ZNF772: variants seen among roughly 807,000 people sequenced by gnomAD.
ZNF772 encodes zinc finger protein 772.
Under a neutral mutation model 11.0 loss-of-function variants are expected in ZNF772, and 8 were observed. That is an observed-to-expected ratio of 0.73 (90% CI 0.43 to 1.31). The LOEUF (loss-of-function observed/expected upper bound fraction) is 1.31, where lower values mean the gene tolerates loss of function less well. Ranked by LOEUF, ZNF772 falls within the 50% of genes most tolerant of loss-of-function variation. The pLI, the probability that ZNF772 is intolerant of heterozygous loss-of-function variation, is 0.01. For synonymous variants in ZNF772, 155 were observed against 180.4 expected, an observed-to-expected ratio of 0.86 and a Z score of 1.13; for missense variants, 496 against 552.3, an observed-to-expected ratio of 0.90 and a Z score of 1.02.
chr19:57,476,938 A>G (rs2089291596), intron 1 of ZNF772, among the ~76,000 whole-genome samples: 1 of 152,202 alleles, frequency 6.6e-6, no homozygotes, highest in Non-Finnish European at 1.5e-5. Context: ...CTCTGTTCAG[A>G]ACCTTCCATG....
Position 57,475,842 on chromosome 19 carries a change from T to C in ZNF772, c.73-56A>G. The C allele has an allele frequency of 6.5e-7, 1 of 1,550,154 alleles. No homozygotes were observed. Among genetic ancestry groups the C allele is most frequent in the Non-Finnish European group, 8.7e-7 (1 of 1,148,422 alleles). On this transcript the variant is annotated intron_variant, in intron 2 of 3. Transcript: ENST00000356584. The surrounding 1 kb of genome is among the most constrained non-coding windows in gnomAD (Gnocchi z 4.2). The stretch of plus-strand genomic sequence containing the variant: ...GCAGCATCTCTCCCAAGAACCCCCA[T>C]CCGTGCCCCCACACATCTCCCTCCT...
intron 1 of ZNF772, 30 bp downstream of exon 1, chr19:57,477,247 A>G: frequency 6.2e-7 from 1 of 1,613,110 alleles, no homozygotes; most frequent in Non-Finnish European, 8.5e-7. Context: ...GATGGGGGTC[A>G]GCGCGCAGAC....
chr19:57,473,878 G>T lies in ZNF772; in HGVS notation c.743C>A (p.Thr248Asn). The change falls in exon 4 of 4, where the codon ACT (threonine) becomes AAT (asparagine). Residue 248 changes from threonine to asparagine, a missense_variant. Thr to Asn is a moderately conservative substitution (Grantham distance 65). Transcript: ENST00000356584. ...ACCGCACTCATAAGGCCTTTCTCCA[G>T]TGTGGACTCTCTGGTGTTGAACAAG... is the stretch of plus-strand genomic sequence containing the variant. Reference protein sequence around the residue: ...DSLVQHQRVHTGERPYECGEC... With the variant: ...DSLVQHQRVHNGERPYECGEC... 1 of 1,614,220 alleles carries T rather than the reference G, an allele frequency of 6.2e-7. No homozygotes were observed.
At position 57,475,150 on chromosome 19, in the gene ZNF772, A is replaced by T. The variant is rs1034055929; in HGVS notation, c.199+510T>A. The T allele has an allele frequency of 1.2e-6, 2 of 1,614,036 alleles. No homozygotes were observed. Among genetic ancestry groups the T allele is most frequent in the African/African-American group, 2.7e-5 (2 of 74,928 alleles). The stretch of plus-strand genomic sequence containing the variant: ...TGGGACATGAAAGATGTATGTCCTA[A>T]GGGAAAGATAGAACAGCACTGGTCT... On this transcript the variant is annotated intron_variant, in intron 3 of 3. Transcript: ENST00000356584. This position sits in a 1 kb window ranked among gnomAD's most constrained non-coding sequence, Gnocchi z 4.2.
Position 57,475,156 on chromosome 19 carries a change from A to C in ZNF772, c.199+504T>G, listed in dbSNP as rs760110989. On this transcript the variant is annotated intron_variant, in intron 3 of 3. Transcript: ENST00000356584. The surrounding 1 kb of genome is among the most constrained non-coding windows in gnomAD (Gnocchi z 4.2). ...ATGAAAGATGTATGTCCTAAGGGAA[A>C]GATAGAACAGCACTGGTCTGGGTAA... 6.2e-7 allele frequency: 1 copy of C among 1,614,154 alleles called. No homozygotes were observed. Among genetic ancestry groups the C allele is most frequent in the South Asian group, 1.1e-5 (1 of 91,082 alleles).
At chr19:57,476,306 G>A (rs566533464) in intron 2 of ZNF772, 12 of 379,412 alleles carry the variant, frequency 3.2e-5, no homozygotes, top group Admixed American at 1.2e-4. Context: ...GATGATTCCC[G>A]CCCCCTTGCT....
In ZNF772 at chr19:57,477,298, A is replaced by AGCCGCC; in HGVS notation, c.6_11dup (p.Ala3_Ala4dup). ...CCACCTGTGCCGGGCCCATCGGCTC[A>AGCCGCC]GCCGCCGCCATCAGGCCTGTGGACT... On this transcript the variant is annotated inframe_insertion, in exon 1 of 4. Coordinates refer to ENST00000356584, the MANE Select transcript of ZNF772 (RefSeq NM_001144068.2). 1 of 1,612,664 alleles carries AGCCGCC rather than the reference A, an allele frequency of 6.2e-7. No individual in the cohort carries two copies. Among genetic ancestry groups the AGCCGCC allele is most frequent in the Non-Finnish European group, 8.5e-7 (1 of 1,179,488 alleles).
rs2089218087 is a variant in ZNF772, at chr19:57,471,829, A to C, written c.*1445T>G. On this transcript the variant is annotated 3_prime_UTR_variant, in exon 4 of 4. Transcript: ENST00000356584. ...GAGTTTAAGAAGCCAAAAACATTAG[A>C]ATACATATTAAATTACTCTATCTCT... is the stretch of plus-strand genomic sequence containing the variant. The C allele has an allele frequency of 4.8e-6, 1 of 209,052 alleles. No individual in the cohort carries two copies. The highest frequency in any genetic ancestry group is 2.4e-5 in the African/African-American group (1 of 42,202). The allele number at this position is 209,052 out of a possible 1,614,324, so 12.9% of individuals were successfully genotyped here. A position where few individuals can be genotyped will look rare whatever the true frequency, so the allele number is the denominator to read the frequency against.
chr19:57,472,426 A>T lies in ZNF772; in HGVS notation c.*848T>A, dbSNP rs10426249. The T allele has an allele frequency of 0.65, 184,822 of 285,498 alleles. 59,381 individuals are homozygous for T. Among genetic ancestry groups the T allele is most frequent in the East Asian group, 0.72 (7,218 of 10,028 alleles). 17.7% of individuals were successfully genotyped at this position (285,498 alleles called of 1,614,324 possible). On this transcript the variant is annotated 3_prime_UTR_variant, in exon 4 of 4. Transcript: ENST00000356584. ...TTATCACAACAAATGCCCACTGCTT[A>T]GGGTGACCTCAATTACACAAAAAAT...
chr19:57,474,886 G>T (rs143775017), intron 3 of ZNF772: 463 of 1,202,148 alleles, frequency 3.9e-4, no homozygotes, highest in Non-Finnish European at 2.1e-4. Context: ...GAAGGCAGAG[G>T]TATGGAACAT....
At position 57,475,474 on chromosome 19, in the gene ZNF772, G is replaced by A. The variant is rs906902915; in HGVS notation, c.199+186C>T. 8 of 969,856 alleles carry A rather than the reference G, an allele frequency of 8.2e-6. No individual in the cohort carries two copies. The Admixed American group carries it at 1.3e-4, about 16-fold the overall frequency. The allele number at this position is 969,856 out of a possible 1,614,324, so 60.1% of individuals were successfully genotyped here. A position where few individuals can be genotyped will look rare whatever the true frequency, so the allele number is the denominator to read the frequency against. ...GCAAGGCTCTGAGACAGCAAGCGCT[G>A]GGAATGCTCAAAAGGAGAAAGTAGG... On this transcript the variant is annotated intron_variant, in intron 3 of 3. Transcript: ENST00000356584. This position sits in a 1 kb window ranked among gnomAD's most constrained non-coding sequence, Gnocchi z 4.2.
intron 2 of ZNF772, 55 bp downstream of exon 2, chr19:57,476,579 G>A: frequency 6.3e-7 from 1 of 1,582,276 alleles, no homozygotes; most frequent in Non-Finnish European, 8.7e-7. Context: ...CACAATGCTG[G>A]AGAGCGTATT....
In ZNF772 at chr19:57,476,585, G is replaced by A. The variant is rs149872429; in HGVS notation, c.72+49C>T. The A allele has an allele frequency of 1.2e-4, 195 of 1,580,098 alleles. No homozygotes were observed. The East Asian group carries it at 1.5e-3, about 13-fold the overall frequency. On this transcript the variant is annotated intron_variant, in intron 2 of 3. Transcript: ENST00000356584. ...ATATAACACCACAATGCTGGAGAGC[G>A]TATTGGGTGGGGGTGGGATCGGTGA...
chr19:57,474,661 C>A (rs2089261896), intron 3 of ZNF772, among the ~76,000 whole-genome samples: 1 of 152,220 alleles, frequency 6.6e-6, no homozygotes, highest in Non-Finnish European at 1.5e-5. Flanking sequence ...AAAAAAGAGG[C>A]AGGTCTCAAA....
chr19:57,470,460 A>G lies in ZNF772; in HGVS notation c.*2814T>C, dbSNP rs1191773166. The G allele has an allele frequency of 3.3e-5, 5 of 152,272 alleles. No individual in the cohort carries two copies. The highest frequency in any genetic ancestry group is 2.1e-4 in the South Asian group (1 of 4,824). The allele number at this position is 152,272 out of a possible 1,614,324, so 9.4% of individuals were successfully genotyped here. A position where few individuals can be genotyped will look rare whatever the true frequency, so the allele number is the denominator to read the frequency against. On this transcript the variant is annotated 3_prime_UTR_variant, in exon 4 of 4. Transcript: ENST00000356584. ...TAACATCTCTTCCCCATATTAGGGGAAAAAAACCCAAAGGTTTGAAATGAA... is the reference window on the plus strand; with the variant it reads ...TAACATCTCTTCCCCATATTAGGGGGAAAAAACCCAAAGGTTTGAAATGAA...
rs1246132117 is a variant in ZNF772 at position 57,470,421 on chromosome 19, T to C, written c.*2853A>G. The C allele has an allele frequency of 3.9e-5, 6 of 151,978 alleles. No homozygotes were observed. The highest frequency in any genetic ancestry group is 8.8e-5 in the Non-Finnish European group (6 of 68,000). 9.4% of individuals were successfully genotyped at this position (151,978 alleles called of 1,614,324 possible). ...GGAGGTAATTAAAGCAGTTCTCAGA[T>C]AGATTTTTAACATTAACATCTCTTC... On this transcript the variant is annotated 3_prime_UTR_variant, in exon 4 of 4. Transcript: ENST00000356584.
At position 57,475,697 on chromosome 19, in the gene ZNF772, A is replaced by T. The variant is rs1397539627; in HGVS notation, c.162T>A (p.Asp54Glu). Reference sequence around the variant, plus strand: ...TAAGTGCAAAGTTCTCCAGCATCACATCACGGTACAGGAGCCTCTGAGCCT... The same window carrying T: ...TAAGTGCAAAGTTCTCCAGCATCACTTCACGGTACAGGAGCCTCTGAGCCT... ...LDEAQRLLYR[D>E]VMLENFALMA... The change falls in exon 3 of 4, where the codon GAT becomes GAA. Residue 54 changes from aspartate to glutamate, a missense_variant. Transcript: ENST00000356584. This position sits in a 1 kb window ranked among gnomAD's most constrained non-coding sequence, Gnocchi z 4.2. 4.2e-5 allele frequency: 67 copies of T among 1,613,924 alleles called. No individual in the cohort carries two copies. In the Admixed American group the frequency reaches 1.0e-3, roughly 24 times the overall value.
Position 57,472,458 on chromosome 19 carries a change from A to T in ZNF772, c.*816T>A, listed in dbSNP as rs1343787387. ...CCTCAATTACACAAAAAATCTTAAC[A>T]TATAGACCAAAAGATTAGGCCTACA... On this transcript the variant is annotated 3_prime_UTR_variant, in exon 4 of 4. Transcript: ENST00000356584. 1 of 256,566 alleles carries T rather than the reference A, an allele frequency of 3.9e-6. No homozygotes were observed. The highest frequency in any genetic ancestry group is 2.3e-5 in the African/African-American group (1 of 43,702). The allele number at this position is 256,566 out of a possible 1,614,324, so 15.9% of individuals were successfully genotyped here.
rs757497031 is a variant in ZNF772, at chr19:57,473,242, T to C, written c.*32A>G. 2.5e-6 allele frequency: 4 copies of C among 1,585,536 alleles called. No individual in the cohort carries two copies. Among genetic ancestry groups the C allele is most frequent in the Non-Finnish European group, 3.4e-6 (4 of 1,164,184 alleles). ...AGCTTCTCTCTGATGTCAGTTATTA[T>C]GTTGAACAAGGAAACGGAATTATCT... On this transcript the variant is annotated 3_prime_UTR_variant, in exon 4 of 4. Transcript: ENST00000356584.
Sources: gnomAD v4.1 joint callset for allele counts (sites outside exome capture counted in the v4.1 genomes callset) on GRCh38, gnomAD v4.1.1 for gene constraint, Gnocchi (gnomAD v3.1) non-coding constraint, MANE v1.5 for transcripts, NCBI Gene and HGNC (gene_info 2026-07-23, HGNC 2026-07-21) for gene names.